Variants in AOPEP observed in about 807,000 individuals in gnomAD.
AOPEP encodes aminopeptidase O (putative), also known as aminopeptidase O.
A neutral mutation model predicts 98.1 loss-of-function variants in AOPEP; 77 were observed. The observed-to-expected ratio is 0.78, with a 90% CI of 0.65 to 0.95. The LOEUF (loss-of-function observed/expected upper bound fraction) is 0.95. Ranked by LOEUF, AOPEP falls within the 40% of genes least tolerant of loss-of-function variation. The pLI is 0.00. For missense variants in AOPEP, 1,024 were observed against 1,024.7 expected, an observed-to-expected ratio of 1.00 and a Z score of 0.01; for synonymous variants, 346 against 365.3, an observed-to-expected ratio of 0.95 and a Z score of 0.60.
At chr9:95,096,882 TGTGTCTACAACCGTTA>T in the AOPEP span, among the ~76,000 whole-genome samples, 1 of 152,262 alleles carries the variant, frequency 6.6e-6, no homozygotes, top group Non-Finnish European at 1.5e-5. Context: ...GTCTATTCGC[TGTGTCTACAACCGTTA>T]GTGTCTGTGT....
the AOPEP span, among the ~76,000 whole-genome samples, chr9:95,098,420 C>T: frequency 2.0e-5 from 3 of 152,200 alleles, no homozygotes; most frequent in Non-Finnish European, 2.9e-5. Context: ...GAACAAACCA[C>T]GAAACCCTGC....
In AOPEP at chr9:94,783,548, G is replaced by A. The variant is rs967037393; in HGVS notation, c.965-9217G>A. ...TTAGAAAACTGGAAGGTGTAGACGC[G>A]GCATCTGCAAAGTCCTGACAGAAAG... On this transcript the variant is annotated intron_variant, in intron 3 of 16. Coordinates refer to ENST00000375315, the MANE Select transcript of AOPEP (RefSeq NM_001193329.3). Among the ~76,000 whole-genome samples the A allele has an allele frequency of 1.3e-4, 20 of 151,978 alleles. No homozygotes were observed. In the East Asian group the frequency reaches 3.7e-3, roughly 28 times the overall value.
chr9:94,866,390 A>G (rs1417777191), intron 5 of AOPEP, among the ~76,000 whole-genome samples: 1 of 152,220 alleles, frequency 6.6e-6, no homozygotes, highest in Non-Finnish European at 1.5e-5. Flanking sequence ...TCTCATGCAC[A>G]AAGGAAATAC....
chr9:94,929,764 G>A (rs895828636), intron 7 of AOPEP, among the ~76,000 whole-genome samples: 2 of 152,246 alleles, frequency 1.3e-5, no homozygotes, highest in African/African-American at 2.4e-5. Flanking sequence ...TACAGGTACC[G>A]GCCGGTCACA....
At chr9:94,907,199 G>A (rs1027451475) in intron 5 of AOPEP, among the ~76,000 whole-genome samples, 5 of 152,186 alleles carry the variant, frequency 3.3e-5, no homozygotes, top group Admixed American at 2.0e-4. Flanking sequence ...AGTCTTATGA[G>A]TGACATCACC....
chr9:95,000,354 G>A (rs2061485239), intron 11 of AOPEP, among the ~76,000 whole-genome samples: 1 of 151,858 alleles, frequency 6.6e-6, no homozygotes, highest in Non-Finnish European at 1.5e-5. Context: ...ATATTTTTTG[G>A]ATTAATTTAT....
chr9:95,108,499 A>G, the AOPEP span, among the ~76,000 whole-genome samples: 1 of 152,190 alleles, frequency 6.6e-6, no homozygotes, highest in Non-Finnish European at 1.5e-5. Flanking sequence ...GATGGGGTCT[A>G]TCTTCCTTTA....
the AOPEP span, among the ~76,000 whole-genome samples, chr9:95,144,942 C>T: frequency 2.6e-5 from 4 of 152,104 alleles, no homozygotes; most frequent in African/African-American, 9.7e-5. Flanking sequence ...ACTCCACTTA[C>T]TGGGTGAATT....
chr9:95,012,004 T>G (rs1398967011), intron 13 of AOPEP, among the ~76,000 whole-genome samples: 1 of 152,186 alleles, frequency 6.6e-6, no homozygotes, highest in Non-Finnish European at 1.5e-5. Context: ...AGCTAACATT[T>G]CCCATGTGTC....
chr9:95,016,816 G>A (rs1390439297), intron 13 of AOPEP, among the ~76,000 whole-genome samples: 2 of 150,678 alleles, frequency 1.3e-5, no homozygotes, highest in Non-Finnish European at 3.0e-5. Flanking sequence ...TATGTTGCTG[G>A]TCTTGAACTA....
chr9:94,758,853 G>A (rs1457496743), intron 1 of AOPEP, among the ~76,000 whole-genome samples: 1 of 151,352 alleles, frequency 6.6e-6, no homozygotes, highest in Non-Finnish European at 1.5e-5. Context: ...TGAAGAACTT[G>A]TGCATTTTAT....
chr9:95,117,313 A>T, the AOPEP span: 1 of 1,613,874 alleles, frequency 6.2e-7, no homozygotes, highest in Non-Finnish European at 8.5e-7. Context: ...ACCCTAACTC[A>T]CCTTGAGGGT....
chr9:95,139,035 A>G, the AOPEP span, among the ~76,000 whole-genome samples: 2 of 152,334 alleles, frequency 1.3e-5, no homozygotes, highest in African/African-American at 4.8e-5. Context: ...TCACCCCTGA[A>G]TGAAGGAATC....
At chr9:94,997,019 A>C (rs1370012759) in intron 11 of AOPEP, among the ~76,000 whole-genome samples, 1 of 152,232 alleles carries the variant, frequency 6.6e-6, no homozygotes, top group Non-Finnish European at 1.5e-5. Flanking sequence ...CATCATCTAC[A>C]GATGATGAGT....
rs1256315350 is a variant in AOPEP, at chr9:94,835,907, T to C, written c.1364+34905T>C. Among the ~76,000 whole-genome samples, 5 of 152,180 alleles carry C rather than the reference T, an allele frequency of 3.3e-5. No individual in the cohort carries two copies. The East Asian group carries it at 9.6e-4, about 29-fold the overall frequency. On this transcript the variant is annotated intron_variant, in intron 5 of 16. Coordinates refer to ENST00000375315, the MANE Select transcript of AOPEP (RefSeq NM_001193329.3). ...TTCTAGATTCTTCTACCGCTCTTTG[T>C]TTTTGTCTTTGTTCTATCCCTATAC...
intron 1 of AOPEP, among the ~76,000 whole-genome samples, chr9:94,744,824 A>G (rs1834098000): frequency 6.6e-6 from 1 of 152,158 alleles, no homozygotes. Context: ...ATACAGATAC[A>G]GTGCTTTAAG....
intron 1 of AOPEP, among the ~76,000 whole-genome samples, chr9:94,737,961 T>A (rs1832151531): frequency 6.6e-6 from 1 of 152,178 alleles, no homozygotes. Flanking sequence ...TGCTGAGAGT[T>A]CAGGGTCTGG....
chr9:95,016,962 G>A (rs1270225619), intron 13 of AOPEP, among the ~76,000 whole-genome samples: 1 of 150,690 alleles, frequency 6.6e-6, no homozygotes, highest in African/African-American at 2.4e-5. Flanking sequence ...GTAACTACAA[G>A]TCACATAGCT....
At chr9:94,740,632 G>A (rs1159490474) in intron 1 of AOPEP, among the ~76,000 whole-genome samples, 1 of 152,092 alleles carries the variant, frequency 6.6e-6, no homozygotes, top group East Asian at 1.9e-4. Flanking sequence ...ACACATGAAA[G>A]TGACCAGCCA....
Sources: allele counts gnomAD v4.1 joint callset (sites outside exome capture counted in the v4.1 genomes callset), GRCh38; gene constraint gnomAD v4.1.1; transcripts MANE v1.5; gene names NCBI Gene and HGNC (gene_info 2026-07-23, HGNC 2026-07-21).